Variants in SMG7 observed in about 807,000 individuals in gnomAD.
SMG7 encodes the protein nonsense-mediated mRNA decay factor SMG7.
SMG7 carries 34 observed loss-of-function variants against 148.2 expected under a neutral mutation model. The observed-to-expected ratio is 0.23, with a 90% confidence interval of 0.17 to 0.31. SMG7 has a LOEUF of 0.31. Among genes scored for constraint, SMG7 ranks in the 10% least tolerant of loss-of-function variants. The pLI is 1.00. For missense variants in SMG7, 1,114 were observed against 1,408.4 expected (o/e 0.79, Z 3.35); for synonymous variants, 492 against 515.1 (o/e 0.96, Z 0.61).
rs1249067678 is a variant in SMG7 at position 183,537,207 on chromosome 1, G to A, written c.1226G>A (p.Ser409Asn). The A allele has an allele frequency of 1.4e-5, 23 of 1,609,906 alleles. No individual in the cohort carries two copies. Among genetic ancestry groups the A allele is most frequent in the Non-Finnish European group, 1.9e-5 (22 of 1,176,442 alleles). Residue 409 changes from serine to asparagine, a missense_variant, in exon 11 of 23, where the codon AGT becomes AAT. This residue lies in a region of SMG7 where 102 missense variants were observed against 147.2 expected (regional missense o/e 0.69). Coordinates refer to ENST00000688051, the MANE Select transcript of SMG7 (RefSeq NM_001375584.1). ...SFHPHEEDLS[S>N]ISATPLPEEF... The stretch of plus-strand genomic sequence containing the variant: ...CATCCCCATGAAGAGGACCTCTCAA[G>A]TATTAGTGGTAAGGGCTACCCTAAC...
chr1:183,488,091 T>C (rs1655944723), intron 1 of SMG7, among the ~76,000 whole-genome samples: 1 of 152,232 alleles, frequency 6.6e-6, no homozygotes, highest in Non-Finnish European at 1.5e-5. Context: ...TCTGAGACTC[T>C]GATAGGAAGC....
intron 19 of SMG7, 139 bp from the exon 20 acceptor site, chr1:183,549,625 C>T: frequency 1.4e-6 from 1 of 711,822 alleles, no homozygotes; most frequent in Non-Finnish European, 2.4e-6. Context: ...AAAATTGAAA[C>T]AAAAAGAAAT....
rs192924604 is a variant in SMG7, at chr1:183,524,924, A to G, written c.313-1672A>G. Among the ~76,000 whole-genome samples the G allele has an allele frequency of 5.3e-5, 8 of 151,280 alleles. No homozygotes were observed. In the East Asian group the frequency reaches 7.8e-4, roughly 15 times the overall value. On this transcript the variant is annotated intron_variant, in intron 4 of 22. Transcript: ENST00000688051. ...CCCTCTCCCTCCCTCTCTCCCCTCT[A>G]CTTCTCTTTTTGTACCTGACTTGCC...
chr1:183,503,560 T>G (rs963016132), intron 1 of SMG7, among the ~76,000 whole-genome samples: 1 of 152,208 alleles, frequency 6.6e-6, no homozygotes, highest in African/African-American at 2.4e-5. Flanking sequence ...GTAGAGGACA[T>G]AGGGTTTTTT....
At chr1:183,481,245 A>G (rs940461200) in intron 1 of SMG7, among the ~76,000 whole-genome samples, 1 of 152,166 alleles carries the variant, frequency 6.6e-6, no homozygotes, top group African/African-American at 2.4e-5. Context: ...ATCATGGCAT[A>G]TGCATTCCTG....
chr1:183,497,518 C>T (rs1182805206), intron 1 of SMG7, among the ~76,000 whole-genome samples: 2 of 152,128 alleles, frequency 1.3e-5, no homozygotes, highest in African/African-American at 2.4e-5. Context: ...TAATGTATCA[C>T]AGGTTTTATA....
rs201614897 is a variant in SMG7, at chr1:183,549,270, C to G, written c.2955C>G (p.Thr985=). ...MSHSSSFLSL[T]GFSLNQERYP... ...ATTCATCCTCTTTCCTGTCCCTCAC[C>G]GGATTCTCTCTCAATCAGGTAGGTG... The change falls in exon 19 of 23, where the codon ACC becomes ACG. Residue 985 remains threonine, a synonymous_variant. Coordinates refer to ENST00000688051, the MANE Select transcript of SMG7 (RefSeq NM_001375584.1). 3 of 1,612,708 alleles carry G rather than the reference C, an allele frequency of 1.9e-6. No homozygotes were observed. The highest frequency in any genetic ancestry group is 2.5e-6 in the Non-Finnish European group (3 of 1,178,766).
Position 183,544,514 on chromosome 1 carries a change from A to G in SMG7, c.1987+17A>G. 1 of 1,610,890 alleles carries G rather than the reference A, an allele frequency of 6.2e-7. No individual in the cohort carries two copies. The highest frequency in any genetic ancestry group is 8.5e-7 in the Non-Finnish European group (1 of 1,177,970). On this transcript the variant is annotated intron_variant, in intron 15 of 22. Transcript: ENST00000688051. ...GCAGGCCAGGTAAATATGTTTTGTA[A>G]TTTCTTCTACTTAATCTTTTCTGTG...
intron 4 of SMG7, among the ~76,000 whole-genome samples, chr1:183,520,450 C>T (rs533794768): frequency 1.3e-5 from 2 of 152,166 alleles, no homozygotes; most frequent in East Asian, 1.9e-4. Flanking sequence ...CTATAACATT[C>T]TGGTTGCTTT....
intron 12 of SMG7, among the ~76,000 whole-genome samples, chr1:183,540,182 C>A (rs1668562167): frequency 6.6e-6 from 1 of 152,168 alleles, no homozygotes; most frequent in African/African-American, 2.4e-5. Flanking sequence ...CCATCACCAG[C>A]CTGGTAAGCA....
At position 183,472,755 on chromosome 1, in the gene SMG7, CCT is replaced by C. The variant is rs1303235158; in HGVS notation, c.29+110_29+111del. 3 of 1,040,488 alleles carry C rather than the reference CCT, an allele frequency of 2.9e-6. No homozygotes were observed. The African/African-American group carries it at 5.0e-5, about 17-fold the overall frequency. The allele number at this position is 1,040,488 out of a possible 1,614,324, so 64.5% of individuals were successfully genotyped here. A position where few individuals can be genotyped will look rare whatever the true frequency, so the allele number is the denominator to read the frequency against. On this transcript the variant is annotated intron_variant, in intron 1 of 22. Coordinates refer to ENST00000688051, the MANE Select transcript of SMG7 (RefSeq NM_001375584.1). The stretch of plus-strand genomic sequence containing the variant: ...CGGGGTGGCGGGGGAGTTGCTGCGT[CCT>C]CTCCTCGCCGGGCAGGTCGGCGGAG...
intron 8 of SMG7, among the ~76,000 whole-genome samples, chr1:183,529,862 C>T (rs1666555746): frequency 6.6e-6 from 1 of 152,018 alleles, no homozygotes; most frequent in Non-Finnish European, 1.5e-5. Context: ...GATTATGTTA[C>T]CTGCTTTATA....
intron 1 of SMG7, among the ~76,000 whole-genome samples, chr1:183,477,596 GTGTATATATGCATATATACGTGTGTGCA>G (rs1652789647): frequency 2.3e-5 from 3 of 130,660 alleles, no homozygotes; most frequent in African/African-American, 8.7e-5. Flanking sequence ...GTGTGCATAT[GTGTATATATGCATATATACGTGTGTGCA>G]TATGTGTATA....
chr1:183,536,228 G>A, intron 10 of SMG7, among the ~76,000 whole-genome samples: 1 of 152,014 alleles, frequency 6.6e-6, no homozygotes, highest in East Asian at 1.9e-4. Flanking sequence ...CAAAGTAATT[G>A]TTTCCAGGCC....
At chr1:183,517,274 A>G (rs1375438273) in intron 3 of SMG7, among the ~76,000 whole-genome samples, 2 of 152,240 alleles carry the variant, frequency 1.3e-5, no homozygotes, top group Non-Finnish European at 2.9e-5. Context: ...TACTATTTAC[A>G]AAATCCCTGC....
chr1:183,532,743 A>C (rs1667088500), intron 8 of SMG7, among the ~76,000 whole-genome samples: 2 of 152,212 alleles, frequency 1.3e-5, no homozygotes, highest in African/African-American at 4.8e-5. Flanking sequence ...CTGGGAGTTC[A>C]AAAAATTATT....
chr1:183,547,266 A>G lies in SMG7; in HGVS notation c.2892+14A>G. ...CGAAGCCTTTTTGTATGTATTTGACATAATTCTGCTTCTTGGTCTAACCCC... is the reference window on the plus strand; with the variant it reads ...CGAAGCCTTTTTGTATGTATTTGACGTAATTCTGCTTCTTGGTCTAACCCC... On this transcript the variant is annotated intron_variant, in intron 18 of 22. Transcript: ENST00000688051. 2 of 1,547,420 alleles carry G rather than the reference A, an allele frequency of 1.3e-6. No homozygotes were observed. Among genetic ancestry groups the G allele is most frequent in the East Asian group, 2.4e-5 (1 of 40,902 alleles).
At chr1:183,521,514 T>C (rs1367542134) in intron 4 of SMG7, among the ~76,000 whole-genome samples, 1 of 152,152 alleles carries the variant, frequency 6.6e-6, no homozygotes. Context: ...TAGCACCAGA[T>C]TGAGAAAGTA....
At chr1:183,535,551 T>C (rs1232364558) in intron 10 of SMG7, among the ~76,000 whole-genome samples, 1 of 152,222 alleles carries the variant, frequency 6.6e-6, no homozygotes, top group Non-Finnish European at 1.5e-5. Context: ...TGTTCATTTA[T>C]ATCTTTTAAG....
Sources: allele counts gnomAD v4.1 joint callset (sites outside exome capture counted in the v4.1 genomes callset), GRCh38; gene constraint gnomAD v4.1.1; regional missense constraint gnomAD v4.1.1; transcripts MANE v1.5; gene names NCBI Gene and HGNC (gene_info 2026-07-23, HGNC 2026-07-21).